Variants in ATOSA observed in about 807,000 individuals in gnomAD.
ATOSA encodes the protein atos homolog A, also known as atos homolog protein A.
chr15:52,660,158 G>C, the ATOSA span, among the ~76,000 whole-genome samples: 2 of 152,304 alleles, frequency 1.3e-5, no homozygotes, highest in Admixed American at 6.5e-5. Context: ...TGTTGAGCAA[G>C]CAACAGGCGC....
At chr15:52,691,348 A>C in the ATOSA span, among the ~76,000 whole-genome samples, 1 of 152,222 alleles carries the variant, frequency 6.6e-6, no homozygotes, top group East Asian at 1.9e-4. Flanking sequence ...TCAACTAAAT[A>C]GGTTGCAGTT....
the ATOSA span, chr15:52,610,251 A>G: frequency 6.2e-7 from 1 of 1,613,992 alleles, no homozygotes; most frequent in Non-Finnish European, 8.5e-7. Context: ...AAACTGGATA[A>G]TTAGATTGTC....
chr15:52,636,936 T>C, the ATOSA span, among the ~76,000 whole-genome samples: 1 of 152,188 alleles, frequency 6.6e-6, no homozygotes, highest in Non-Finnish European at 1.5e-5. Context: ...ATTAATAGTG[T>C]GGTACTGTAT....
the ATOSA span, chr15:52,658,877 T>G: frequency 1.3e-3 from 494 of 386,938 alleles, no homozygotes; most frequent in African/African-American, 9.8e-3. Flanking sequence ...TACCAGCTTC[T>G]CAGGGACTGA....
chr15:52,706,563 A>G, the ATOSA span, among the ~76,000 whole-genome samples: 1 of 152,202 alleles, frequency 6.6e-6, no homozygotes, highest in Admixed American at 6.6e-5. Context: ...CAAAAAGAAA[A>G]TGTTCCAAAA....
chr15:52,687,834 A>T, the ATOSA span, among the ~76,000 whole-genome samples: 185 of 152,300 alleles, frequency 1.2e-3, no homozygotes, highest in African/African-American at 4.3e-3. Context: ...AATAGGTCAG[A>T]GTATATGTCC....
the ATOSA span, among the ~76,000 whole-genome samples, chr15:52,627,997 C>T: frequency 6.6e-5 from 10 of 152,098 alleles, no homozygotes; most frequent in African/African-American, 2.2e-4. Context: ...ATTCTCTAAT[C>T]GCTAATTCTC....
At chr15:52,649,161 T>C in the ATOSA span, among the ~76,000 whole-genome samples, 6 of 152,152 alleles carry the variant, frequency 3.9e-5, no homozygotes, top group Admixed American at 6.6e-5. Flanking sequence ...TGTCGATATG[T>C]GAAAATGCCT....
the ATOSA span, among the ~76,000 whole-genome samples, chr15:52,683,637 TACA>T: frequency 6.6e-6 from 1 of 152,200 alleles, no homozygotes; most frequent in African/African-American, 2.4e-5. Flanking sequence ...GTCCATTTAA[TACA>T]ACATCCCTAT....
chr15:52,603,328 C>T, the ATOSA span, among the ~76,000 whole-genome samples: 14 of 152,088 alleles, frequency 9.2e-5, no homozygotes, highest in South Asian at 2.1e-4. Context: ...CAGGCAATAA[C>T]GGATGCTGGC....
the ATOSA span, among the ~76,000 whole-genome samples, chr15:52,666,937 G>A: frequency 6.6e-6 from 1 of 151,898 alleles, no homozygotes; most frequent in Non-Finnish European, 1.5e-5. Flanking sequence ...CTTCTTTGAT[G>A]GCAGAAAGCC....
the ATOSA span, among the ~76,000 whole-genome samples, chr15:52,670,919 G>C: frequency 6.6e-6 from 1 of 152,262 alleles, no homozygotes; most frequent in Admixed American, 6.5e-5. Flanking sequence ...CCAAGAATGG[G>C]TCCCAAATCT....
At chr15:52,592,405 T>C in the ATOSA span, among the ~76,000 whole-genome samples, 2 of 152,210 alleles carry the variant, frequency 1.3e-5, no homozygotes, top group African/African-American at 2.4e-5. Flanking sequence ...TAGCTACTTG[T>C]CTCTCTTTGT....
the ATOSA span, among the ~76,000 whole-genome samples, chr15:52,591,684 G>C: frequency 1.8e-3 from 272 of 152,276 alleles, 1 homozygote; most frequent in East Asian, 0.025. Context: ...GTAAGCATTC[G>C]AGTATAATAT....
the ATOSA span, among the ~76,000 whole-genome samples, chr15:52,612,629 C>T: frequency 1.3e-3 from 200 of 151,610 alleles, no homozygotes; most frequent in Admixed American, 2.4e-3. Context: ...CTCAGCCTCC[C>T]GAGTAGCTGA....
At chr15:52,600,170 C>T in the ATOSA span, 1 of 1,611,682 alleles carries the variant, frequency 6.2e-7, no homozygotes, top group Non-Finnish European at 8.5e-7. Flanking sequence ...AGGTGGAGCA[C>T]TAGAACTCAA....
At chr15:52,601,375 C>G in the ATOSA span, among the ~76,000 whole-genome samples, 1 of 151,890 alleles carries the variant, frequency 6.6e-6, no homozygotes, top group Non-Finnish European at 1.5e-5. Flanking sequence ...AATAAAAGCA[C>G]TTTTACTAGG....
At chr15:52,658,799 TACAAAAAAA>T in the ATOSA span, 2 of 119,812 alleles carry the variant, frequency 1.7e-5, no homozygotes, top group Admixed American at 2.6e-4. Flanking sequence ...ACCTCGTTTC[TACAAAAAAA>T]AAAAAAAAAA....
At chr15:52,660,577 C>T in the ATOSA span, among the ~76,000 whole-genome samples, 16 of 152,186 alleles carry the variant, frequency 1.1e-4, no homozygotes, top group African/African-American at 3.6e-4. Flanking sequence ...GTTTATCTTA[C>T]GCACTGAAGA....
Sources: gnomAD v4.1 joint callset for allele counts (sites outside exome capture counted in the v4.1 genomes callset) on GRCh38, gnomAD v4.1.1 for gene constraint, MANE v1.5 for transcripts, NCBI Gene and HGNC (gene_info 2026-07-23, HGNC 2026-07-21) for gene names.